Variants in PARD3B observed in about 807,000 individuals in gnomAD.
PARD3B encodes the protein par-3 family cell polarity regulator beta.
A neutral mutation model predicts 130.2 loss-of-function variants in PARD3B; 103 were observed. The observed-to-expected ratio is 0.79, with a 90% confidence interval of 0.67 to 0.93. The LOEUF is 0.93. Among genes scored for constraint, PARD3B ranks in the 40% least tolerant of loss-of-function variants. PARD3B has a pLI of 0.00. For synonymous variants in PARD3B, 583 were observed against 553.2 expected, an observed-to-expected ratio of 1.05 and a Z score of -0.76; for missense variants, 1,609 against 1,499.2, an observed-to-expected ratio of 1.07 and a Z score of -1.21.
intron 13 of PARD3B, among the ~76,000 whole-genome samples, chr2:205,185,135 G>A (rs1048893068): frequency 6.6e-6 from 1 of 152,072 alleles, no homozygotes. Flanking sequence ...AGAACAAACT[G>A]GAAAAGTATA....
chr2:205,425,739 C>T (rs1410578371), intron 19 of PARD3B, among the ~76,000 whole-genome samples: 6 of 152,082 alleles, frequency 3.9e-5, no homozygotes, highest in Non-Finnish European at 2.9e-5. Flanking sequence ...AACTCTACTG[C>T]CTTGACTTAC....
chr2:204,553,693 T>TATATATAC (rs2030702560), intron 1 of PARD3B, among the ~76,000 whole-genome samples: 1 of 100,366 alleles, frequency 1.0e-5, no homozygotes, highest in Non-Finnish European at 1.8e-5. Context: ...TATATATATA[T>TATATATAC]ATACACACAT....
At chr2:204,895,073 T>A (rs2125695604) in intron 2 of PARD3B, among the ~76,000 whole-genome samples, 1 of 152,192 alleles carries the variant, frequency 6.6e-6, no homozygotes, top group Non-Finnish European at 1.5e-5. Context: ...AACCCCATAA[T>A]TCAAGTGTAC....
intron 2 of PARD3B, among the ~76,000 whole-genome samples, chr2:204,945,571 G>A (rs909182837): frequency 6.6e-6 from 1 of 152,204 alleles, no homozygotes; most frequent in African/African-American, 2.4e-5. Flanking sequence ...GAGCCAAAGG[G>A]CAAGTGGGCT....
intron 18 of PARD3B, among the ~76,000 whole-genome samples, chr2:205,302,065 CTTTTTTT>C (rs3048088): frequency 1.3e-5 from 1 of 77,780 alleles, no homozygotes. Flanking sequence ...TTTTTCTTTT[CTTTTTTT>C]TTTTTTTTTT....
At chr2:204,736,933 A>G (rs1258691710) in intron 2 of PARD3B, among the ~76,000 whole-genome samples, 6 of 151,944 alleles carry the variant, frequency 3.9e-5, no homozygotes, top group Non-Finnish European at 8.8e-5. Flanking sequence ...CATCCACACC[A>G]TTATCTATTG....
At chr2:204,718,061 A>G (rs1298629022) in intron 2 of PARD3B, among the ~76,000 whole-genome samples, 1 of 152,144 alleles carries the variant, frequency 6.6e-6, no homozygotes, top group Non-Finnish European at 1.5e-5. Context: ...TATTTTAGAG[A>G]ACCCGAGGGG....
chr2:205,145,947 G>A (rs1289923672), intron 10 of PARD3B, among the ~76,000 whole-genome samples: 1 of 152,090 alleles, frequency 6.6e-6, no homozygotes, highest in African/African-American at 2.4e-5. Flanking sequence ...GTTTTAGAGG[G>A]AGCCAGTTTG....
Position 204,883,455 on chromosome 2 carries a change from A to ATTTTTT in PARD3B, c.223-81691_223-81686dup, listed in dbSNP as rs1348171832. Among the ~76,000 whole-genome samples, 51 of 77,262 alleles carry ATTTTTT rather than the reference A, an allele frequency of 6.6e-4. 1 individual carries two copies. The South Asian group carries it at 6.6e-3, about 10-fold the overall frequency. 50.7% of individuals were successfully genotyped at this position (77,262 alleles called of 152,430 possible). On this transcript the variant is annotated intron_variant, in intron 2 of 22. Coordinates refer to ENST00000406610, the MANE Select transcript of PARD3B (RefSeq NM_001302769.2). ...ATAAAATATATATATATATATATAT[A>ATTTTTT]TTTTTTTTTTTGAGACAGAGTCTCA...
intron 21 of PARD3B, among the ~76,000 whole-genome samples, chr2:205,505,753 G>T (rs2050336572): frequency 6.6e-6 from 1 of 152,188 alleles, no homozygotes; most frequent in African/African-American, 2.4e-5. Flanking sequence ...TTTAACAGCA[G>T]CATGAATATC....
chr2:204,735,666 G>A (rs1368556407), intron 2 of PARD3B, among the ~76,000 whole-genome samples: 1 of 152,146 alleles, frequency 6.6e-6, no homozygotes, highest in Non-Finnish European at 1.5e-5. Context: ...ACACTTTAGA[G>A]CAAGTGGAAA....
chr2:204,677,417 CTG>C lies in PARD3B; in HGVS notation c.121-8762_121-8761del, dbSNP rs1324705211. On this transcript the variant is annotated intron_variant, in intron 1 of 22. Coordinates refer to ENST00000406610, the MANE Select transcript of PARD3B (RefSeq NM_001302769.2). This position sits in a 1 kb window ranked among gnomAD's most constrained non-coding sequence, Gnocchi z 4.1. The stretch of plus-strand genomic sequence containing the variant: ...CTTTAAGAGCTCAGTGCCCTGTAAA[CTG>C]TAGTTCTGTCTTTGAAATAGCAAAG... 2.0e-5 allele frequency among the ~76,000 whole-genome samples: 3 copies of C among 152,180 alleles called. No individual in the cohort carries two copies. The highest frequency in any genetic ancestry group is 7.2e-5 in the African/African-American group (3 of 41,436).
intron 20 of PARD3B, among the ~76,000 whole-genome samples, chr2:205,492,288 G>A (rs1429464121): frequency 6.6e-6 from 1 of 152,130 alleles, no homozygotes; most frequent in Non-Finnish European, 1.5e-5. Flanking sequence ...TGGAAGGTTT[G>A]TGTTGTCTGT....
chr2:205,383,575 G>T (rs1006010721), intron 18 of PARD3B, among the ~76,000 whole-genome samples: 8 of 152,032 alleles, frequency 5.3e-5, no homozygotes, highest in Admixed American at 2.6e-4. Context: ...TTGTATATCT[G>T]TTTGGGTTCC....
At chr2:204,776,803 C>T (rs1215776781) in intron 2 of PARD3B, among the ~76,000 whole-genome samples, 1 of 151,796 alleles carries the variant, frequency 6.6e-6, no homozygotes, top group Non-Finnish European at 1.5e-5. Flanking sequence ...CTTACCTCCA[C>T]CTAAGGGAAT....
intron 2 of PARD3B, among the ~76,000 whole-genome samples, chr2:204,834,750 C>G (rs939572336): frequency 6.6e-6 from 1 of 152,154 alleles, no homozygotes; most frequent in Non-Finnish European, 1.5e-5. Context: ...TCTTCTACCC[C>G]TATCCTCCCA....
intron 15 of PARD3B, among the ~76,000 whole-genome samples, chr2:205,214,528 A>G (rs1214663335): frequency 6.6e-6 from 1 of 151,994 alleles, no homozygotes; most frequent in Non-Finnish European, 1.5e-5. Context: ...AAGACAATTG[A>G]CTCAAAATAA....
intron 19 of PARD3B, among the ~76,000 whole-genome samples, chr2:205,408,034 T>A (rs1387246024): frequency 6.6e-6 from 1 of 152,208 alleles, no homozygotes; most frequent in Non-Finnish European, 1.5e-5. Flanking sequence ...GGCTCTTGTT[T>A]TCAACAACTA....
chr2:205,301,414 A>C lies in PARD3B; in HGVS notation c.2393-50A>C. On this transcript the variant is annotated intron_variant, in intron 17 of 22. Transcript: ENST00000406610. This position sits in a 1 kb window ranked among gnomAD's most constrained non-coding sequence, Gnocchi z 5.2. ...ACATGTTAGCGTTTCTCTGTATACTAACTGAGTGTGCCCCTGACCATGGGT... is the reference window on the plus strand; with the variant it reads ...ACATGTTAGCGTTTCTCTGTATACTCACTGAGTGTGCCCCTGACCATGGGT... 2 of 1,570,470 alleles carry C rather than the reference A, an allele frequency of 1.3e-6. No homozygotes were observed. Among genetic ancestry groups the C allele is most frequent in the East Asian group, 2.3e-5 (1 of 43,716 alleles).
Sources: gnomAD v4.1 joint callset for allele counts (sites outside exome capture counted in the v4.1 genomes callset) on GRCh38, gnomAD v4.1.1 for gene constraint, Gnocchi (gnomAD v3.1) non-coding constraint, MANE v1.5 for transcripts, NCBI Gene and HGNC (gene_info 2026-07-23, HGNC 2026-07-21) for gene names.